Variants in NHS observed in about 807,000 individuals in gnomAD.
The protein encoded by NHS is actin remodeling regulator NHS.
Under a neutral mutation model 72.5 loss-of-function variants are expected in NHS, and 5 were observed. The observed-to-expected ratio is 0.07, with a 90% CI of 0.04 to 0.14. The LOEUF is 0.14. NHS is among the 10% of genes least tolerant of loss of function. The pLI is 1.00. For missense variants in NHS, 1,072 were observed against 1,355.7 expected, an observed-to-expected ratio of 0.79 and a Z score of 3.29; for synonymous variants, 464 against 547.7, an observed-to-expected ratio of 0.85 and a Z score of 2.13.
At chrX:17,408,102 T>C (rs1287197126) in intron 1 of NHS, among the ~76,000 whole-genome samples, 1 of 111,409 alleles carries the variant, frequency 9.0e-6, no homozygotes, top group Non-Finnish European at 1.9e-5. Context: ...CTCCACCTCC[T>C]GGACTCAGTC....
intron 4 of NHS, among the ~76,000 whole-genome samples, chrX:17,719,846 G>A (rs959059428): frequency 4.5e-5 from 5 of 111,487 alleles, no homozygotes; most frequent in Middle Eastern, 4.6e-3. Context: ...CTATCCTGTC[G>A]ACACTTTGCA....
At chrX:17,573,059 G>C (rs1353902238) in intron 1 of NHS, among the ~76,000 whole-genome samples, 1 of 112,262 alleles carries the variant, frequency 8.9e-6, no homozygotes, top group Non-Finnish European at 1.9e-5. Flanking sequence ...CTGTTAGTCT[G>C]ATGGGCTTCC....
At chrX:17,436,183 T>G (rs1156773981) in intron 1 of NHS, among the ~76,000 whole-genome samples, 1 of 111,711 alleles carries the variant, frequency 9.0e-6, no homozygotes, top group Non-Finnish European at 1.9e-5. Flanking sequence ...CTTCAAAAAG[T>G]TGGGGCTGGG....
chrX:17,672,779 A>G (rs1466166221), intron 1 of NHS, among the ~76,000 whole-genome samples: 1 of 112,401 alleles, frequency 8.9e-6, no homozygotes, highest in Admixed American at 9.4e-5. Flanking sequence ...CTTATTAATC[A>G]ATTTACTTAC....
chrX:17,611,033 G>A (rs1274574376), intron 1 of NHS, among the ~76,000 whole-genome samples: 2 of 112,254 alleles, frequency 1.8e-5, no homozygotes, highest in Middle Eastern at 4.6e-3. Context: ...CACAAATTGC[G>A]CTTAAGATGA....
intron 1 of NHS, among the ~76,000 whole-genome samples, chrX:17,574,480 G>A (rs1194709686): frequency 8.9e-6 from 1 of 112,377 alleles, no homozygotes; most frequent in Non-Finnish European, 1.9e-5. Flanking sequence ...AGCGAGCAAG[G>A]CTCCATGGGC....
At chrX:17,615,229 T>TATATACAC (rs1569294249) in intron 1 of NHS, among the ~76,000 whole-genome samples, 1 of 85,669 alleles carries the variant, frequency 1.2e-5, no homozygotes, top group African/African-American at 5.6e-5. Context: ...TATATACACA[T>TATATACAC]ATATATACGT....
At chrX:17,466,633 C>G (rs923009064) in intron 1 of NHS, among the ~76,000 whole-genome samples, 1 of 111,902 alleles carries the variant, frequency 8.9e-6, no homozygotes, top group Non-Finnish European at 1.9e-5. Context: ...GGTTGCATCA[C>G]TGGGGCAGAA....
intron 1 of NHS, among the ~76,000 whole-genome samples, chrX:17,506,561 A>ATAAG (rs1350845571): frequency 4.8e-4 from 50 of 103,252 alleles, no homozygotes; most frequent in Admixed American, 4.6e-3. Flanking sequence ...AAATAAATAA[A>ATAAG]TAAATAAGTA....
chrX:17,377,241 C>A (rs2064351539), intron 1 of NHS, among the ~76,000 whole-genome samples: 1 of 112,643 alleles, frequency 8.9e-6, no homozygotes, highest in Non-Finnish European at 1.9e-5. Flanking sequence ...CCCTGGGCGT[C>A]TTTGCTGTCC....
intron 3 of NHS, among the ~76,000 whole-genome samples, chrX:17,704,959 T>C (rs1163774970): frequency 2.7e-5 from 3 of 111,939 alleles, no homozygotes; most frequent in Non-Finnish European, 3.8e-5. Context: ...ATGGACAAGA[T>C]TGAAGGAGCA....
chrX:17,665,485 G>A (rs1230748129), intron 1 of NHS, among the ~76,000 whole-genome samples: 4 of 107,296 alleles, frequency 3.7e-5, no homozygotes, highest in South Asian at 4.2e-4. Flanking sequence ...CCGCCACCTC[G>A]CCCGGCTAAT....
chrX:17,493,087 C>T (rs777321728), intron 1 of NHS, among the ~76,000 whole-genome samples: 1 of 111,516 alleles, frequency 9.0e-6, no homozygotes, highest in African/African-American at 3.3e-5. Context: ...TATGATGAAC[C>T]TTTCCTAGGC....
At chrX:17,423,987 G>C (rs1268805050) in intron 1 of NHS, among the ~76,000 whole-genome samples, 2 of 112,083 alleles carry the variant, frequency 1.8e-5, no homozygotes, top group African/African-American at 6.5e-5. Flanking sequence ...CTACTAACTT[G>C]GCTTATCAGT....
chrX:17,564,966 C>T (rs771741543), intron 1 of NHS, among the ~76,000 whole-genome samples: 2 of 107,472 alleles, frequency 1.9e-5, no homozygotes, highest in Non-Finnish European at 3.8e-5. Context: ...TGGGTACAGC[C>T]ACATTTTTTT....
At chrX:17,573,325 T>A (rs920204415) in intron 1 of NHS, among the ~76,000 whole-genome samples, 1 of 111,352 alleles carries the variant, frequency 9.0e-6, no homozygotes, top group Non-Finnish European at 1.9e-5. Flanking sequence ...CAATCAAAGG[T>A]AGATTTGGTG....
chrX:17,475,201 A>G (rs1049161680), intron 1 of NHS, among the ~76,000 whole-genome samples: 1 of 112,493 alleles, frequency 8.9e-6, no homozygotes, highest in African/African-American at 3.2e-5. Context: ...GCCACAACCC[A>G]GCAGCTATTC....
At chrX:17,624,323 G>A (rs1249486135) in intron 1 of NHS, among the ~76,000 whole-genome samples, 1 of 112,236 alleles carries the variant, frequency 8.9e-6, no homozygotes, top group Non-Finnish European at 1.9e-5. Flanking sequence ...TACCCTTTGA[G>A]TGATGTCTAA....
chrX:17,619,514 C>T (rs913585798), intron 1 of NHS, among the ~76,000 whole-genome samples: 3 of 112,434 alleles, frequency 2.7e-5, no homozygotes, highest in African/African-American at 9.7e-5. Context: ...ACACACTTCT[C>T]TGTAATTTGC....
Sources: allele counts gnomAD v4.1 joint callset (sites outside exome capture counted in the v4.1 genomes callset), GRCh38; gene constraint gnomAD v4.1.1; transcripts MANE v1.5; gene names NCBI Gene and HGNC (gene_info 2026-07-23, HGNC 2026-07-21).